The following TMPRSS15 variants were observed in gnomAD, a reference collection of about 807,000 sequenced individuals.
The protein encoded by TMPRSS15 is enteropeptidase.
Under a neutral mutation model 125.3 loss-of-function variants are expected in TMPRSS15, and 128 were observed. The observed-to-expected ratio is 1.02, with a 90% CI of 0.89 to 1.18. The LOEUF is 1.18. TMPRSS15 is among the 50% of genes most tolerant of loss of function. The pLI is 0.00. For missense variants in TMPRSS15, 1,283 were observed against 1,212.7 expected, an observed-to-expected ratio of 1.06 and a Z score of -0.86; for synonymous variants, 446 against 423.2, an observed-to-expected ratio of 1.05 and a Z score of -0.66.
chr21:18,455,289 G>A (rs1255734630), intron 1 of TMPRSS15, among the ~76,000 whole-genome samples: 2 of 152,080 alleles, frequency 1.3e-5, no homozygotes, highest in East Asian at 1.9e-4. Context: ...GACTAATACA[G>A]TGTGAAAATA....
chr21:18,386,386 G>T (rs528217068), intron 3 of TMPRSS15, among the ~76,000 whole-genome samples: 41 of 152,150 alleles, frequency 2.7e-4, no homozygotes, highest in African/African-American at 9.9e-4. Flanking sequence ...CTATTTATCA[G>T]CAGGAAAGAG....
At chr21:18,286,566 A>G (rs1030078038) in intron 21 of TMPRSS15, among the ~76,000 whole-genome samples, 4 of 152,118 alleles carry the variant, frequency 2.6e-5, no homozygotes, top group Non-Finnish European at 5.9e-5. Context: ...TCCTTACTCC[A>G]TATCTGTGAT....
At chr21:18,348,793 T>C (rs553497414) in intron 10 of TMPRSS15, among the ~76,000 whole-genome samples, 198 of 152,330 alleles carry the variant, frequency 1.3e-3, no homozygotes, top group Non-Finnish European at 2.4e-3. Context: ...CCACAGCCAA[T>C]GTATGTTTCT....
chr21:18,435,066 T>C (rs2076224882), intron 1 of TMPRSS15, among the ~76,000 whole-genome samples: 1 of 151,842 alleles, frequency 6.6e-6, no homozygotes, highest in Non-Finnish European at 1.5e-5. Context: ...GAGATAAAAA[T>C]ATAAAAAACA....
chr21:18,309,814 C>G (rs1274351092), intron 18 of TMPRSS15, among the ~76,000 whole-genome samples: 1 of 152,120 alleles, frequency 6.6e-6, no homozygotes, highest in African/African-American at 2.4e-5. Flanking sequence ...AATAGGAACG[C>G]TTTTACACTG....
intron 1 of TMPRSS15, among the ~76,000 whole-genome samples, chr21:18,412,096 A>G (rs1405928541): frequency 6.6e-6 from 1 of 152,166 alleles, no homozygotes; most frequent in Non-Finnish European, 1.5e-5. Context: ...CCAGAATCCT[A>G]ACCAATTCAC....
intron 1 of TMPRSS15, among the ~76,000 whole-genome samples, chr21:18,451,967 T>G (rs1414527202): frequency 1.3e-5 from 2 of 152,142 alleles, no homozygotes; most frequent in African/African-American, 4.8e-5. Flanking sequence ...AATTTTATTT[T>G]CTCATTGTGA....
At chr21:18,434,815 T>A (rs2076224246) in intron 1 of TMPRSS15, among the ~76,000 whole-genome samples, 1 of 119,182 alleles carries the variant, frequency 8.4e-6, no homozygotes, top group African/African-American at 3.2e-5. Flanking sequence ...TCTAAATAAA[T>A]ACATTTAAAA....
chr21:18,363,293 T>C (rs2075694768), intron 7 of TMPRSS15, among the ~76,000 whole-genome samples: 1 of 152,068 alleles, frequency 6.6e-6, no homozygotes, highest in Non-Finnish European at 1.5e-5. Context: ...TTATCAATCA[T>C]AGATTTCTTA....
chr21:18,482,163 AC>A (rs913854889), intron 1 of TMPRSS15, among the ~76,000 whole-genome samples: 10 of 151,288 alleles, frequency 6.6e-5, no homozygotes, highest in African/African-American at 2.4e-4. Context: ...CATCATATTA[AC>A]CAACTTAAAT....
At chr21:18,369,478 C>A (rs1428117893) in intron 6 of TMPRSS15, among the ~76,000 whole-genome samples, 1 of 152,010 alleles carries the variant, frequency 6.6e-6, no homozygotes, top group Admixed American at 6.6e-5. Flanking sequence ...AATCAGAAGA[C>A]GAAAACAATT....
rs903318575 is a variant in TMPRSS15 at position 18,448,820 on chromosome 21, C to T, written c.10+36979G>A. 7.9e-5 allele frequency among the ~76,000 whole-genome samples: 12 copies of T among 152,024 alleles called. 1 individual carries two copies. Among genetic ancestry groups the T allele is most frequent in the Non-Finnish European group, 1.6e-4 (11 of 67,976 alleles). On this transcript the variant is annotated intron_variant, in intron 1 of 7. Coordinates refer to the TMPRSS15 transcript ENST00000422787. ...TGCTTTGATGAGCTATTATATATTG[C>T]TTTTCTGTTAGGCTTAGTAAGCAAA...
At chr21:18,372,101 T>TGTGTGTGG in intron 6 of TMPRSS15, 92 bp downstream of exon 6, 1 of 735,558 alleles carries the variant, frequency 1.4e-6, no homozygotes, top group Non-Finnish European at 2.1e-6. Context: ...GATTAGAATG[T>TGTGTGTGG]GTGTGTGTGT....
intron 5 of TMPRSS15, among the ~76,000 whole-genome samples, chr21:18,377,487 T>C (rs1423096384): frequency 6.6e-6 from 1 of 152,090 alleles, no homozygotes; most frequent in East Asian, 1.9e-4. Context: ...GGTACAGTGG[T>C]ATCTGTATTA....
Position 18,403,525 on chromosome 21 carries a change from G to A in TMPRSS15, c.98C>T (p.Ala33Val), listed in dbSNP as rs376542211. 1 of 1,614,012 alleles carries A rather than the reference G, an allele frequency of 6.2e-7. No homozygotes were observed. Among genetic ancestry groups the A allele is most frequent in the African/African-American group, 1.3e-5 (1 of 74,914 alleles). ...ALFAILVVLC[A>V]GLIAVSCLTI... is the part of the protein sequence containing the mutation. ...CAGGCAGGATACTGCAATTAATCCA[G>A]CACAGAGCACTACCAATATGGCAAA... Residue 33 changes from alanine to valine, a missense_variant, in exon 1 of 25, where the codon GCT becomes GTT. Coordinates refer to ENST00000284885, the MANE Select transcript of TMPRSS15 (RefSeq NM_002772.3).
chr21:18,329,712 G>A (rs938939788), intron 14 of TMPRSS15, among the ~76,000 whole-genome samples: 11 of 150,884 alleles, frequency 7.3e-5, no homozygotes, highest in African/African-American at 2.7e-4. Flanking sequence ...GGACAAGTAA[G>A]CTTTAATATT....
intron 1 of TMPRSS15, among the ~76,000 whole-genome samples, chr21:18,434,679 T>C (rs1348847317): frequency 6.6e-6 from 1 of 152,076 alleles, no homozygotes; most frequent in Non-Finnish European, 1.5e-5. Flanking sequence ...TTACTTCTTC[T>C]GAATAGGAGG....
At position 18,348,171 on chromosome 21, in the gene TMPRSS15, T is replaced by A. The variant is rs1205567359; in HGVS notation, c.1172-4111A>T. On this transcript the variant is annotated intron_variant, in intron 10 of 24. Transcript: ENST00000284885. ...CTGTACTCCAGTCTGGGAGACAGAG[T>A]GATCCTGTCTCTAAACAAATAAATA... Among the ~76,000 whole-genome samples the A allele has an allele frequency of 2.4e-3, 361 of 152,154 alleles. 1 individual carries two copies. The highest frequency in any genetic ancestry group is 8.0e-3 in the African/African-American group (331 of 41,480).
intron 3 of TMPRSS15, among the ~76,000 whole-genome samples, chr21:18,384,156 T>C (rs756104504): frequency 3.3e-5 from 5 of 152,146 alleles, no homozygotes; most frequent in Non-Finnish European, 7.4e-5. Context: ...GGATTTGTAG[T>C]TTTTCATGGA....
Sources: allele counts gnomAD v4.1 joint callset (sites outside exome capture counted in the v4.1 genomes callset), GRCh38; gene constraint gnomAD v4.1.1; transcripts MANE v1.5; gene names NCBI Gene and HGNC (gene_info 2026-07-23, HGNC 2026-07-21).